TRERF1: variants seen among roughly 807,000 people sequenced by gnomAD.
TRERF1 encodes the protein transcriptional-regulating factor 1.
In TRERF1, 27 loss-of-function variants were observed where a neutral mutation model predicts 122.9. The observed-to-expected ratio is 0.22, with a 90% confidence interval of 0.16 to 0.30. TRERF1 has a LOEUF of 0.30. Ranked by LOEUF, TRERF1 falls within the 10% of genes least tolerant of loss-of-function variation. TRERF1 has a pLI of 1.00. For missense variants in TRERF1, 1,248 were observed against 1,560.3 expected, an observed-to-expected ratio of 0.80 and a Z score of 3.37; for synonymous variants, 636 against 641.7, an observed-to-expected ratio of 0.99 and a Z score of 0.13.
In TRERF1 at chr6:42,268,742, G is replaced by C; in HGVS notation, c.849C>G (p.Ile283Met). The C allele has an allele frequency of 1.2e-6, 2 of 1,614,186 alleles. No individual in the cohort carries two copies. The change falls in exon 5 of 18, where the codon ATC (isoleucine) becomes ATG (methionine). Residue 283 changes from isoleucine (I) to methionine (M), a missense_variant. By Grantham distance (10) the Ile-to-Met change is conservative (BLOSUM62 1). Around this residue, in one of 5 missense-constraint regions of TRERF1, gnomAD observed 946 missense variants for 1,073.0 expected, o/e 0.88. Coordinates refer to ENST00000372922, the Ensembl canonical transcript of TRERF1. This position sits in a 1 kb window ranked among gnomAD's most constrained non-coding sequence, Gnocchi z 4.4. ...GCTGCGTCTGTATTTCTTGCATGGA[G>C]ATACGCTGTTGCCCGGCTTGCTGCT...
At chr6:42,437,402 A>T (rs1785654650) in intron 2 of TRERF1, among the ~76,000 whole-genome samples, 1 of 152,186 alleles carries the variant, frequency 6.6e-6, no homozygotes, top group South Asian at 2.1e-4. Context: ...GAAAATGATT[A>T]TGCAGAAGAG....
At chr6:42,278,023 T>C in intron 4 of TRERF1, among the ~76,000 whole-genome samples, 1 of 152,062 alleles carries the variant, frequency 6.6e-6, no homozygotes, top group East Asian at 1.9e-4. Flanking sequence ...ACTGACTCCA[T>C]GTGACCCTGG....
chr6:42,445,313 T>C (rs1172436196), intron 2 of TRERF1, among the ~76,000 whole-genome samples: 1 of 150,588 alleles, frequency 6.6e-6, no homozygotes, highest in Non-Finnish European at 1.5e-5. Flanking sequence ...CAATGGTGAT[T>C]TTTCTGGCCT....
intron 3 of TRERF1, among the ~76,000 whole-genome samples, chr6:42,306,391 C>G (rs143210204): frequency 6.6e-6 from 1 of 152,118 alleles, no homozygotes; most frequent in Non-Finnish European, 1.5e-5. Flanking sequence ...GGGATCCTGC[C>G]CAGACCATGA....
intron 4 of TRERF1, among the ~76,000 whole-genome samples, chr6:42,299,148 A>C (rs542329485): frequency 1.3e-5 from 2 of 151,686 alleles, no homozygotes; most frequent in Admixed American, 6.6e-5. Flanking sequence ...ATATATATAT[A>C]TATCTAGCTA....
At chr6:42,302,204 G>A (rs1786330239) in intron 3 of TRERF1, among the ~76,000 whole-genome samples, 1 of 152,144 alleles carries the variant, frequency 6.6e-6, no homozygotes, top group African/African-American at 2.4e-5. Flanking sequence ...TGCCAAAAGG[G>A]CTGCTGGTAT....
intron 9 of TRERF1, among the ~76,000 whole-genome samples, chr6:42,258,520 A>C (rs1376099128): frequency 6.6e-6 from 1 of 152,240 alleles, no homozygotes; most frequent in Non-Finnish European, 1.5e-5. Context: ...AGCATGCTAA[A>C]ATGTCAAGGC....
At chr6:42,246,638 G>T in intron 13 of TRERF1, 94 bp from the exon 14 acceptor site, 1 of 859,222 alleles carries the variant, frequency 1.2e-6, no homozygotes, top group Non-Finnish European at 1.8e-6. Context: ...TACAACTACA[G>T]AGCAAGTGAT....
chr6:42,427,601 A>C (rs532896463), intron 2 of TRERF1, among the ~76,000 whole-genome samples: 1 of 149,082 alleles, frequency 6.7e-6, no homozygotes, highest in East Asian at 2.0e-4. Flanking sequence ...CCCAGGCTGG[A>C]GTGTGGTATG....
intron 3 of TRERF1, among the ~76,000 whole-genome samples, chr6:42,360,880 T>C (rs950128613): frequency 4.7e-5 from 7 of 149,360 alleles, no homozygotes; most frequent in Admixed American, 4.7e-4. Flanking sequence ...ACATGGCAGG[T>C]ACATGAGCTG....
chr6:42,276,644 G>C lies in TRERF1; in HGVS notation c.-258-6796C>G, dbSNP rs1324363908. On this transcript the variant is annotated intron_variant, in intron 4 of 17. Coordinates refer to ENST00000372922, the Ensembl canonical transcript of TRERF1. This position sits in a 1 kb window ranked among gnomAD's most constrained non-coding sequence, Gnocchi z 4.3. ...ATTAGTCTTCTAAATAATTCCAGTG[G>C]GTATTTTATAATCCAGTAACCCGAT... 6.6e-6 allele frequency among the ~76,000 whole-genome samples: 1 copy of C among 152,124 alleles called. No homozygotes were observed. Among genetic ancestry groups the C allele is most frequent in the Non-Finnish European group, 1.5e-5 (1 of 68,022 alleles).
intron 2 of TRERF1, among the ~76,000 whole-genome samples, chr6:42,365,164 G>T (rs570658748): frequency 1.1e-4 from 17 of 152,204 alleles, no homozygotes; most frequent in African/African-American, 3.4e-4. Context: ...ATCAAGTGCG[G>T]GCGTGGCCCT....
intron 2 of TRERF1, among the ~76,000 whole-genome samples, chr6:42,435,441 C>T (rs1376478108): frequency 6.6e-6 from 1 of 151,280 alleles, no homozygotes; most frequent in East Asian, 2.0e-4. Flanking sequence ...GTGCCAGCTA[C>T]TCAGGAGGCT....
intron 2 of TRERF1, among the ~76,000 whole-genome samples, chr6:42,413,075 A>C (rs1417873062): frequency 6.6e-6 from 1 of 152,236 alleles, no homozygotes; most frequent in Non-Finnish European, 1.5e-5. Flanking sequence ...TTTTGTAGCC[A>C]CAAACCATCT....
chr6:42,451,432 A>AGT (rs919042462), intron 1 of TRERF1, among the ~76,000 whole-genome samples, 171 bp from the exon 2 acceptor site: 16 of 151,088 alleles, frequency 1.1e-4, no homozygotes, highest in Non-Finnish European at 2.1e-4. Context: ...CCCCGACAAG[A>AGT]GTGTGCTCCC....
chr6:42,228,242 A>G lies in TRERF1; in HGVS notation c.*103T>C. 2 of 977,130 alleles carry G rather than the reference A, an allele frequency of 2.0e-6. No homozygotes were observed. Among genetic ancestry groups the G allele is most frequent in the Non-Finnish European group, 2.9e-6 (2 of 685,114 alleles). 60.5% of individuals were successfully genotyped at this position (977,130 alleles called of 1,614,324 possible). ...TGAATAAAATGACCACTTTTAAAAC[A>G]GGTAGTTTAAAAGGGTTACAAAACA... On this transcript the variant is annotated 3_prime_UTR_variant, in exon 18 of 18. Transcript: ENST00000372922. The surrounding 1 kb of genome is among the most constrained non-coding windows in gnomAD (Gnocchi z 4.2).
chr6:42,443,055 G>A (rs112574498), intron 2 of TRERF1, among the ~76,000 whole-genome samples: 3 of 152,212 alleles, frequency 2.0e-5, no homozygotes. Context: ...TTATTTCAGT[G>A]ATGGCCTCCA....
chr6:42,233,573 C>T (rs1255022926), intron 16 of TRERF1, among the ~76,000 whole-genome samples: 1 of 152,194 alleles, frequency 6.6e-6, no homozygotes, highest in Non-Finnish European at 1.5e-5. Context: ...GCGTGAGCCA[C>T]CACGCCTGGC....
intron 2 of TRERF1, among the ~76,000 whole-genome samples, chr6:42,403,105 C>A (rs192057416): frequency 1.6e-4 from 25 of 151,884 alleles, no homozygotes; most frequent in Non-Finnish European, 3.4e-4. Context: ...AGAGAGGGAG[C>A]GGCTCACGAG....
Sources: allele counts gnomAD v4.1 joint callset (sites outside exome capture counted in the v4.1 genomes callset), GRCh38; gene constraint gnomAD v4.1.1; regional missense constraint gnomAD v4.1.1; non-coding constraint Gnocchi (gnomAD v3.1); transcripts MANE v1.5; gene names NCBI Gene and HGNC (gene_info 2026-07-23, HGNC 2026-07-21).